The following CIT variants were observed in gnomAD, a reference collection of about 807,000 sequenced individuals.
The protein encoded by CIT is citron Rho-interacting kinase.
CIT carries 79 observed loss-of-function variants against 272.7 expected under a neutral mutation model. That is an observed-to-expected ratio of 0.29 (90% CI 0.24 to 0.35). The LOEUF is 0.35. Ranked by LOEUF, CIT falls within the 10% of genes least tolerant of loss-of-function variation. The pLI, the probability that CIT is intolerant of heterozygous loss-of-function variation, is 1.00. For synonymous variants in CIT, 948 were observed against 995.6 expected (o/e 0.95, Z 0.90); for missense variants, 1,909 against 2,618.3 (o/e 0.73, Z 5.91).
At chr12:119,707,404 C>T (rs2137028884) in intron 40 of CIT, among the ~76,000 whole-genome samples, 1 of 152,316 alleles carries the variant, frequency 6.6e-6, no homozygotes. Context: ...CAAAATGGAG[C>T]TGCCAATGTT....
In CIT at chr12:119,712,345, C is replaced by T; in HGVS notation, c.4687G>A (p.Val1563Ile). The stretch of plus-strand genomic sequence containing the variant: ...GATTCCATCTTCAGTATGTATGGGA[C>T]ATCTAGGAGATTTCAGAGAGCACAG... ...SELANTAKAD[V>I]PYILKMESHP... is the part of the protein sequence containing the mutation. The change falls in exon 37 of 48, where the codon GTC (valine) becomes ATC (isoleucine). Residue 1563 changes from valine (V) to isoleucine (I), a missense_variant and splice_region_variant. This residue lies in a region of CIT where 780 missense variants were observed against 1,067.2 expected (regional missense o/e 0.73). Transcript: ENST00000392521. This position sits in a 1 kb window ranked among gnomAD's most constrained non-coding sequence, Gnocchi z 5.2. The T allele has an allele frequency of 1.9e-6, 3 of 1,608,248 alleles. No homozygotes were observed. The highest frequency in any genetic ancestry group is 2.5e-6 in the Non-Finnish European group (3 of 1,176,728).
intron 3 of CIT, among the ~76,000 whole-genome samples, chr12:119,863,873 A>G (rs1307294428): frequency 6.6e-6 from 1 of 151,196 alleles, no homozygotes; most frequent in Non-Finnish European, 1.5e-5. Flanking sequence ...AAGCTGAAGG[A>G]CTCATGTTTG....
chr12:119,865,008 G>T (rs2141835), intron 3 of CIT, among the ~76,000 whole-genome samples: 1 of 152,004 alleles, frequency 6.6e-6, no homozygotes, highest in Admixed American at 6.6e-5. Flanking sequence ...AAGCAGCTGA[G>T]GGACCCTTCT....
At chr12:119,717,838 C>CT (rs10699099) in intron 32 of CIT, among the ~76,000 whole-genome samples, 1,460 of 81,316 alleles carry the variant, frequency 0.018, 162 homozygotes, top group Non-Finnish European at 0.02. Context: ...TGACTTCTTT[C>CT]TTTTTTTTTT....
chr12:119,870,095 C>T (rs983853250), intron 2 of CIT, among the ~76,000 whole-genome samples: 1 of 152,202 alleles, frequency 6.6e-6, no homozygotes. Flanking sequence ...CAAAGATGGC[C>T]TCCAACAGTT....
Position 119,734,292 on chromosome 12 carries a change from T to A in CIT, c.3222A>T (p.Leu1074=), listed in dbSNP as rs1958636319. 4 of 1,613,854 alleles carry A rather than the reference T, an allele frequency of 2.5e-6. No individual in the cohort carries two copies. The highest frequency in any genetic ancestry group is 3.4e-6 in the Non-Finnish European group (4 of 1,180,000). The part of the protein sequence containing the change: ...LEEQVMDLEA[L]NDELLEKERQ... ...GCTCTTTTTCTAGCAGCTCATCGTT[T>A]AGGGCCTCCAAATCCATGACCTGTT... is the stretch of plus-strand genomic sequence containing the variant. Residue 1074 remains leucine (L), a synonymous_variant, in exon 26 of 48, where the codon CTA becomes CTT. Coordinates refer to ENST00000392521, the MANE Select transcript of CIT (RefSeq NM_001206999.2).
intron 3 of CIT, among the ~76,000 whole-genome samples, chr12:119,866,461 A>C (rs1161110087): frequency 6.6e-6 from 1 of 152,190 alleles, no homozygotes; most frequent in African/African-American, 2.4e-5. Flanking sequence ...AGCCTTTTCG[A>C]AATGGGCCAA....
At chr12:119,854,987 G>A (rs1311233485) in intron 4 of CIT, among the ~76,000 whole-genome samples, 1 of 152,112 alleles carries the variant, frequency 6.6e-6, no homozygotes, top group Admixed American at 6.6e-5. Context: ...AACTGGGTGT[G>A]GCAGCACATG....
chr12:119,859,634 T>C (rs1015174793), intron 3 of CIT, among the ~76,000 whole-genome samples: 8 of 151,980 alleles, frequency 5.3e-5, no homozygotes, highest in Admixed American at 2.0e-4. Flanking sequence ...CTGACCAACA[T>C]GATGAAACCC....
intron 4 of CIT, among the ~76,000 whole-genome samples, chr12:119,850,595 C>A (rs1268792945): frequency 1.3e-5 from 2 of 152,192 alleles, no homozygotes; most frequent in Non-Finnish European, 1.5e-5. Flanking sequence ...ACTTTGGTCA[C>A]AATTTTTGCC....
In CIT at chr12:119,713,963, G is replaced by T; in HGVS notation, c.4306+234C>A. On this transcript the variant is annotated intron_variant, in intron 33 of 47. Transcript: ENST00000392521. The surrounding 1 kb of genome is among the most constrained non-coding windows in gnomAD (Gnocchi z 5.2). The stretch of plus-strand genomic sequence containing the variant: ...GGAGAGACCAGCCTGACAAAAAGGG[G>T]CTGGAAATTAGCAAAGCCTAAGGCA... 1.6e-6 allele frequency: 1 copy of T among 616,366 alleles called. No individual in the cohort carries two copies. Among genetic ancestry groups the T allele is most frequent in the East Asian group, 2.8e-5 (1 of 36,232 alleles). The allele number at this position is 616,366 out of a possible 1,614,324, so 38.2% of individuals were successfully genotyped here.
At position 119,712,294 on chromosome 12, in the gene CIT, C is replaced by T. The variant is rs774673206; in HGVS notation, c.4738G>A (p.Gly1580Arg). Residue 1580 changes from glycine to arginine, a missense_variant, in exon 37 of 48, where the codon GGG becomes AGG. Gly to Arg is a moderately radical substitution (Grantham distance 125, BLOSUM62 -2). Transcript: ENST00000392521. The surrounding 1 kb of genome is among the most constrained non-coding windows in gnomAD (Gnocchi z 5.2). ...GGAGCTAGCAAGTAGAGGGTTCTCC[C>T]GGGCCAGCAGGTGGTGTGCGGGTGA... is the stretch of plus-strand genomic sequence containing the variant. ...ESHPHTTCWP[G>R]RTLYLLAPSF... The T allele has an allele frequency of 1.1e-5, 17 of 1,613,988 alleles. No individual in the cohort carries two copies. The highest frequency in any genetic ancestry group is 6.7e-5 in the East Asian group (3 of 44,894).
intron 10 of CIT, among the ~76,000 whole-genome samples, chr12:119,787,761 TA>T (rs35262272): frequency 0.42 from 57,631 of 137,060 alleles, 12,156 homozygotes; most frequent in Admixed American, 0.53. Flanking sequence ...CAAATAAATT[TA>T]AAAAAAAAAG....
intron 9 of CIT, among the ~76,000 whole-genome samples, chr12:119,803,653 CG>C (rs1426758138): frequency 6.6e-6 from 1 of 152,080 alleles, no homozygotes; most frequent in African/African-American, 2.4e-5. Context: ...CTTGGGCCAA[CG>C]AAAGCACTTG....
intron 19 of CIT, among the ~76,000 whole-genome samples, chr12:119,764,800 AT>A (rs1962218449): frequency 6.6e-6 from 1 of 151,988 alleles, no homozygotes; most frequent in South Asian, 2.1e-4. Context: ...GCCCAATCAA[AT>A]TCTTTTTTAT....
intron 43 of CIT, 184 bp from the exon 44 acceptor site, chr12:119,701,009 AAATTT>A (rs1259236967): frequency 2.6e-6 from 1 of 383,696 alleles, no homozygotes; most frequent in Non-Finnish European, 4.6e-6. Context: ...GGGACTTTTT[AAATTT>A]AATTTATTTT....
Position 119,690,756 on chromosome 12 carries a change from A to C in CIT, c.5883-302T>G, listed in dbSNP as rs545085430. Among the ~76,000 whole-genome samples, 28 of 152,256 alleles carry C rather than the reference A, an allele frequency of 1.8e-4. No homozygotes were observed. Among genetic ancestry groups the C allele is most frequent in the Non-Finnish European group, 3.8e-4 (26 of 68,050 alleles). On this transcript the variant is annotated intron_variant, in intron 46 of 47. Transcript: ENST00000392521. This position sits in a 1 kb window ranked among gnomAD's most constrained non-coding sequence, Gnocchi z 6.0. ...CCATCTCTCATTATCTCATTAAATC[A>C]TCACAGCAGCTCCTGAGCTATGAAC... is the stretch of plus-strand genomic sequence containing the variant.
chr12:119,798,883 T>A (rs188748126), intron 10 of CIT, among the ~76,000 whole-genome samples: 29 of 152,346 alleles, frequency 1.9e-4, no homozygotes, highest in Admixed American at 1.6e-3. Flanking sequence ...GATGTCCAAT[T>A]TGTACCATGA....
intron 8 of CIT, among the ~76,000 whole-genome samples, chr12:119,824,225 T>C (rs1967983001): frequency 6.6e-6 from 1 of 151,272 alleles, no homozygotes; most frequent in Non-Finnish European, 1.5e-5. Flanking sequence ...CAGTTAGTAC[T>C]AAGAAGGAGT....
Sources: gnomAD v4.1 joint callset for allele counts (sites outside exome capture counted in the v4.1 genomes callset) on GRCh38, gnomAD v4.1.1 for gene constraint, gnomAD v4.1.1 regional missense constraint, Gnocchi (gnomAD v3.1) non-coding constraint, MANE v1.5 for transcripts, NCBI Gene and HGNC (gene_info 2026-07-23, HGNC 2026-07-21) for gene names.